DCP1B: variants seen among roughly 807,000 people sequenced by gnomAD.
The protein encoded by DCP1B is decapping mRNA 1B.
DCP1B carries 47 observed loss-of-function variants against 60.5 expected under a neutral mutation model. The observed-to-expected ratio is 0.78, with a 90% CI of 0.61 to 0.99. The LOEUF is 0.99. DCP1B is among the 50% of genes least tolerant of loss of function. The pLI, the probability that DCP1B is intolerant of heterozygous loss-of-function variation, is 0.00. For synonymous variants in DCP1B, 267 were observed against 280.3 expected, an observed-to-expected ratio of 0.95 and a Z score of 0.47; for missense variants, 725 against 756.8, an observed-to-expected ratio of 0.96 and a Z score of 0.49.
intron 7 of DCP1B, chr12:1,950,303 A>G (rs2030616750): frequency 1.4e-6 from 1 of 702,198 alleles, no homozygotes; most frequent in Non-Finnish European, 2.6e-6. Flanking sequence ...CCGGAGGTGG[A>G]GTCAAGCATT....
chr12:1,979,552 T>G (rs902174875), intron 3 of DCP1B, among the ~76,000 whole-genome samples: 6 of 152,204 alleles, frequency 3.9e-5, no homozygotes, highest in African/African-American at 1.2e-4. Context: ...CCTCAAGTGA[T>G]CCGCCCGCCT....
At chr12:1,977,233 A>G (rs1217042315) in intron 3 of DCP1B, among the ~76,000 whole-genome samples, 2 of 152,210 alleles carry the variant, frequency 1.3e-5, no homozygotes, top group Admixed American at 1.3e-4. Flanking sequence ...CCTAGGAGAA[A>G]GCTTAAAAAG....
intron 3 of DCP1B, among the ~76,000 whole-genome samples, chr12:1,969,620 A>T (rs1222188597): frequency 6.6e-6 from 1 of 151,808 alleles, no homozygotes; most frequent in African/African-American, 2.4e-5. Flanking sequence ...CATCAAAACA[A>T]AATTCTTTCA....
Position 1,971,310 on chromosome 12 carries a change from T to A in DCP1B, c.320-3400A>T. 5.2e-6 allele frequency: 3 copies of A among 572,420 alleles called. No homozygotes were observed. Among genetic ancestry groups the A allele is most frequent in the Non-Finnish European group, 8.1e-6 (3 of 371,988 alleles). The allele number at this position is 572,420 out of a possible 1,614,324, so 35.5% of individuals were successfully genotyped here. A position where few individuals can be genotyped will look rare whatever the true frequency, so the allele number is the denominator to read the frequency against. On this transcript the variant is annotated intron_variant, in intron 3 of 8. Coordinates refer to ENST00000280665, the MANE Select transcript of DCP1B (RefSeq NM_152640.5). The surrounding 1 kb of genome is among the most constrained non-coding windows in gnomAD (Gnocchi z 4.2). ...CTTCCTCACTCTAAGAACTCATCTC[T>A]CCATATTTAATCAGGATTTACCACA...
At chr12:1,992,882 A>G (rs2039795722) in intron 3 of DCP1B, 1 of 468,352 alleles carries the variant, frequency 2.1e-6, no homozygotes, top group Non-Finnish European at 3.8e-6. Context: ...ACATAAAGAA[A>G]AAGTGCCATA....
chr12:1,949,428 C>T lies in DCP1B; in HGVS notation c.1525-94G>A, dbSNP rs114232631. 488 of 1,528,048 alleles carry T rather than the reference C, an allele frequency of 3.2e-4. 1 individual carries two copies. In the African/African-American group the frequency reaches 5.9e-3, roughly 18 times the overall value. 94.7% of individuals were successfully genotyped at this position (1,528,048 alleles called of 1,614,324 possible). ...CAGATACGGGTGGTCTAAGCATTCCCTGTCCACAGCTTTCCTAGCTGAGAA... is the reference window on the plus strand; with the variant it reads ...CAGATACGGGTGGTCTAAGCATTCCTTGTCCACAGCTTTCCTAGCTGAGAA... On this transcript the variant is annotated intron_variant, in intron 7 of 8. Transcript: ENST00000280665.
intron 3 of DCP1B, among the ~76,000 whole-genome samples, chr12:1,975,196 T>C (rs1271426053): frequency 6.6e-6 from 1 of 152,170 alleles, no homozygotes; most frequent in African/African-American, 2.4e-5. Flanking sequence ...CAAAAGACTC[T>C]TTCCAAAAAC....
At chr12:1,946,433 T>G (rs2030426839) in intron 8 of DCP1B, 147 bp from the exon 9 acceptor site, 1 of 599,524 alleles carries the variant, frequency 1.7e-6, no homozygotes, top group South Asian at 2.7e-5. Context: ...ATTGCATGTG[T>G]GAATGTTAAG....
intron 3 of DCP1B, among the ~76,000 whole-genome samples, chr12:1,989,680 T>C (rs2038846041): frequency 6.6e-6 from 1 of 152,200 alleles, no homozygotes; most frequent in Admixed American, 6.5e-5. Flanking sequence ...GCCACTGCAC[T>C]CCAGCCTGGA....
intron 1 of DCP1B, among the ~76,000 whole-genome samples, chr12:1,999,114 C>T (rs777094540): frequency 1.1e-4 from 17 of 152,204 alleles, no homozygotes; most frequent in Non-Finnish European, 2.4e-4. Context: ...ATTAGAAATG[C>T]AAGCTCTTGG....
intron 3 of DCP1B, among the ~76,000 whole-genome samples, chr12:1,980,225 C>T (rs771224498): frequency 2.6e-5 from 4 of 152,052 alleles, no homozygotes; most frequent in African/African-American, 4.8e-5. Context: ...AAGTATCTAT[C>T]GATAGGAGAA....
chr12:1,967,843 C>A lies in DCP1B; in HGVS notation c.386+1G>T, dbSNP rs556012795. The A allele has an allele frequency of 6.2e-7, 1 of 1,611,608 alleles. No individual in the cohort carries two copies. Among genetic ancestry groups the A allele is most frequent in the East Asian group, 2.2e-5 (1 of 44,740 alleles). On this transcript the variant is annotated splice_donor_variant, in intron 4 of 8. Coordinates refer to ENST00000280665, the MANE Select transcript of DCP1B (RefSeq NM_152640.5). LOFTEE classifies it high-confidence loss of function. ...AAAATATTTAGCCTTTTAGTACTTA[C>A]TTTTTCATAAGCTCTGCAATTCTTT...
Position 2,004,383 on chromosome 12 carries a change from T to C in DCP1B, c.49A>G (p.Ser17Gly). Residue 17 changes from serine to glycine, a missense_variant, in exon 1 of 9, where the codon AGC becomes GGC. Coordinates refer to ENST00000280665, the MANE Select transcript of DCP1B (RefSeq NM_152640.5). ...TCGTGGCGCTGCAGGGCCGCTAGGC[T>C]GATGTCGCGCCCCTTTCCCACCAGG... ...GGLVGKGRDI[S>G]LAALQRHDPY... 1 of 1,612,740 alleles carries C rather than the reference T, an allele frequency of 6.2e-7. No individual in the cohort carries two copies. Among genetic ancestry groups the C allele is most frequent in the East Asian group, 2.2e-5 (1 of 44,852 alleles).
chr12:1,946,453 C>T (rs375379289), intron 8 of DCP1B, among the ~76,000 whole-genome samples, 167 bp from the exon 9 acceptor site: 18 of 152,282 alleles, frequency 1.2e-4, no homozygotes, highest in African/African-American at 2.4e-4. Context: ...GTGGGGTTGA[C>T]GGCAAGGCCG....
At chr12:1,997,380 C>T (rs556412881) in intron 2 of DCP1B, among the ~76,000 whole-genome samples, 6 of 152,264 alleles carry the variant, frequency 3.9e-5, no homozygotes, top group African/African-American at 1.2e-4. Flanking sequence ...ATTAGCTGGG[C>T]GTGGTGGCGC....
intron 1 of DCP1B, 73 bp from the exon 2 acceptor site, chr12:1,998,048 A>C (rs141515017): frequency 5.2e-6 from 7 of 1,353,870 alleles, no homozygotes; most frequent in African/African-American, 3.0e-5. Flanking sequence ...ACAAATTCTC[A>C]TAGAATAGGA....
intron 5 of DCP1B, 102 bp from the exon 6 acceptor site, chr12:1,955,662 T>A: frequency 7.6e-7 from 1 of 1,323,892 alleles, no homozygotes; most frequent in South Asian, 1.6e-5. Context: ...GACGGCTGTG[T>A]TTTTGATAGA....
In DCP1B at chr12:1,952,767, G is replaced by C. The variant is rs778840548; in HGVS notation, c.1173C>G (p.Val391=). The change falls in exon 7 of 9, where the codon GTC becomes GTG. Residue 391 remains valine (V), a synonymous_variant. Transcript: ENST00000280665. ...ALNRSRAPTS[V]TPVAPGKGLA... is the part of the protein sequence containing the mutation. ...GACCCTTTCCTGGAGCCACAGGGGT[G>C]ACAGAAGTGGGAGCTCTGCTGCGGT... is the stretch of plus-strand genomic sequence containing the variant. 3.1e-6 allele frequency: 5 copies of C among 1,614,080 alleles called. No individual in the cohort carries two copies. The East Asian group carries it at 6.7e-5, about 22-fold the overall frequency.
chr12:2,002,031 C>T (rs780578405), intron 1 of DCP1B, among the ~76,000 whole-genome samples: 2 of 152,202 alleles, frequency 1.3e-5, no homozygotes, highest in Non-Finnish European at 2.9e-5. Context: ...TTCCTGGCAA[C>T]AGGGAGTAGG....
Sources: gnomAD v4.1 joint callset for allele counts (sites outside exome capture counted in the v4.1 genomes callset) on GRCh38, gnomAD v4.1.1 for gene constraint, Gnocchi (gnomAD v3.1) non-coding constraint, MANE v1.5 for transcripts, NCBI Gene and HGNC (gene_info 2026-07-23, HGNC 2026-07-21) for gene names.